The following LANCL3 variants were observed in gnomAD, a reference collection of about 807,000 sequenced individuals.
LANCL3 encodes the protein lanC-like protein 3.
LANCL3 carries 19 observed loss-of-function variants against 26.5 expected under a neutral mutation model. That is an observed-to-expected ratio of 0.72 (90% CI 0.50 to 1.05). The LOEUF (loss-of-function observed/expected upper bound fraction) is 1.05. Ranked by LOEUF, LANCL3 falls within the 50% of genes least tolerant of loss-of-function variation. The probability of loss-of-function intolerance (pLI) is 0.00; values close to 1 mark genes in which losing one functional copy is unlikely to be tolerated. For missense variants in LANCL3, 318 were observed against 362.7 expected (o/e 0.88, Z 1.00); for synonymous variants, 160 against 166.6 (o/e 0.96, Z 0.30).
intron 1 of LANCL3, among the ~76,000 whole-genome samples, chrX:37,627,204 T>C (rs1925339395): frequency 8.9e-6 from 1 of 112,665 alleles, no homozygotes; most frequent in Admixed American, 9.4e-5. Flanking sequence ...TTAATGCTTA[T>C]GGAGTTTCTC....
chrX:37,584,914 G>A (rs1924016218), intron 1 of LANCL3, among the ~76,000 whole-genome samples: 1 of 111,601 alleles, frequency 9.0e-6, no homozygotes, highest in Admixed American at 9.5e-5. Context: ...GATCTTTCCT[G>A]CTTTCTCTTG....
At chrX:37,665,684 T>C (rs1926529363) in intron 3 of LANCL3, among the ~76,000 whole-genome samples, 1 of 112,133 alleles carries the variant, frequency 8.9e-6, no homozygotes, top group South Asian at 3.7e-4. Context: ...GAACTGACTA[T>C]ATAATTTGGG....
intron 3 of LANCL3, among the ~76,000 whole-genome samples, chrX:37,661,222 T>G (rs1447023000): frequency 2.7e-5 from 3 of 111,476 alleles, no homozygotes; most frequent in Non-Finnish European, 5.7e-5. Context: ...CTGAAAAAAG[T>G]GGGAAGATAA....
intron 1 of LANCL3, among the ~76,000 whole-genome samples, chrX:37,588,796 A>G (rs1924184700): frequency 8.9e-6 from 1 of 112,459 alleles, no homozygotes; most frequent in Admixed American, 9.4e-5. Context: ...AAAGTCTTAC[A>G]GACTTCATTG....
intron 1 of LANCL3, among the ~76,000 whole-genome samples, chrX:37,589,705 G>C (rs1252398601): frequency 9.0e-6 from 1 of 111,608 alleles, no homozygotes; most frequent in African/African-American, 3.3e-5. Context: ...TTTAGCGTAG[G>C]GTGCTAAAGC....
At chrX:37,667,231 C>T in intron 3 of LANCL3, 51 bp from the exon 4 acceptor site, 1 of 810,344 alleles carries the variant, frequency 1.2e-6, no homozygotes, top group Non-Finnish European at 1.7e-6. Flanking sequence ...AGTTCTGCTC[C>T]AAAGTATTAA....
At chrX:37,593,754 C>G (rs1387150825) in intron 1 of LANCL3, among the ~76,000 whole-genome samples, 1 of 111,757 alleles carries the variant, frequency 8.9e-6, no homozygotes, top group African/African-American at 3.3e-5. Context: ...TCACATTTAC[C>G]CCCTTCCTGC....
At chrX:37,608,047 A>G (rs1924765508) in intron 1 of LANCL3, among the ~76,000 whole-genome samples, 1 of 112,277 alleles carries the variant, frequency 8.9e-6, no homozygotes, top group African/African-American at 3.2e-5. Flanking sequence ...ATGCCAAGAT[A>G]TTACAGTACT....
chrX:37,612,613 A>T (rs1168790525), intron 1 of LANCL3, among the ~76,000 whole-genome samples: 1 of 112,537 alleles, frequency 8.9e-6, no homozygotes, highest in African/African-American at 3.2e-5. Flanking sequence ...TCTGGAAAGT[A>T]GTATTATAAC....
chrX:37,672,729 C>T (rs903932000), intron 4 of LANCL3, among the ~76,000 whole-genome samples: 2 of 111,277 alleles, frequency 1.8e-5, no homozygotes, highest in South Asian at 3.8e-4. Context: ...GCACTCACAA[C>T]GGGAACTGGT....
intron 1 of LANCL3, among the ~76,000 whole-genome samples, chrX:37,631,817 C>T (rs1223599942): frequency 9.0e-6 from 1 of 110,982 alleles, no homozygotes; most frequent in African/African-American, 3.3e-5. Context: ...GTCTGAGAGA[C>T]AGTTTGTTAT....
At chrX:37,606,161 C>T (rs1173626371) in intron 1 of LANCL3, among the ~76,000 whole-genome samples, 1 of 111,760 alleles carries the variant, frequency 8.9e-6, no homozygotes, top group Non-Finnish European at 1.9e-5. Flanking sequence ...CACTTAATTC[C>T]CCTACCAATG....
chrX:37,662,595 C>T (rs896455832), intron 3 of LANCL3, among the ~76,000 whole-genome samples: 11 of 111,652 alleles, frequency 9.9e-5, no homozygotes, highest in African/African-American at 2.6e-4. Context: ...GCTATACGTG[C>T]CAAGTGTGGC....
At chrX:37,645,841 C>G (rs1392428174) in intron 1 of LANCL3, among the ~76,000 whole-genome samples, 1 of 111,974 alleles carries the variant, frequency 8.9e-6, no homozygotes, top group Non-Finnish European at 1.9e-5. Context: ...TGGCCCCATC[C>G]TAGACCTACC....
chrX:37,597,196 T>A (rs1255877081), intron 1 of LANCL3, among the ~76,000 whole-genome samples: 1 of 112,418 alleles, frequency 8.9e-6, no homozygotes, highest in Non-Finnish European at 1.9e-5. Context: ...CAAATAATAT[T>A]CCTTTGTATG....
At chrX:37,628,427 G>A (rs1219696979) in intron 1 of LANCL3, among the ~76,000 whole-genome samples, 1 of 110,554 alleles carries the variant, frequency 9.0e-6, no homozygotes, top group Non-Finnish European at 1.9e-5. Flanking sequence ...TGTAATGTGT[G>A]ATTTTTTTCA....
At chrX:37,634,374 C>A (rs1330572502) in intron 1 of LANCL3, among the ~76,000 whole-genome samples, 1 of 113,107 alleles carries the variant, frequency 8.8e-6, no homozygotes, top group Non-Finnish European at 1.9e-5. Flanking sequence ...AAAGAGAACT[C>A]CCTGACCCCT....
At chrX:37,614,834 A>G (rs370607211) in intron 1 of LANCL3, among the ~76,000 whole-genome samples, 1 of 112,390 alleles carries the variant, frequency 8.9e-6, no homozygotes, top group East Asian at 2.8e-4. Flanking sequence ...TTTTCCTGAC[A>G]ACATTCAACA....
chrX:37,661,965 C>T (rs1452612503), intron 3 of LANCL3, among the ~76,000 whole-genome samples: 1 of 112,270 alleles, frequency 8.9e-6, no homozygotes. Context: ...TCAGCTCCAA[C>T]ACTAACCAGT....
Sources: gnomAD v4.1 joint callset for allele counts (sites outside exome capture counted in the v4.1 genomes callset) on GRCh38, gnomAD v4.1.1 for gene constraint, MANE v1.5 for transcripts, NCBI Gene and HGNC (gene_info 2026-07-23, HGNC 2026-07-21) for gene names.